The following PDE1C variants were observed in gnomAD, a reference collection of about 807,000 sequenced individuals.
PDE1C encodes the protein phosphodiesterase 1C.
A neutral mutation model predicts 93.1 loss-of-function variants in PDE1C; 62 were observed. That is an observed-to-expected ratio of 0.67 (90% CI 0.54 to 0.82). The LOEUF is 0.82. PDE1C is among the 40% of genes least tolerant of loss of function. The pLI is 0.00. For missense variants in PDE1C, 742 were observed against 884.6 expected, an observed-to-expected ratio of 0.84 and a Z score of 2.04; for synonymous variants, 325 against 310.1, an observed-to-expected ratio of 1.05 and a Z score of -0.50.
chr7:31,739,304 A>G, the PDE1C span, among the ~76,000 whole-genome samples: 2 of 151,976 alleles, frequency 1.3e-5, no homozygotes, highest in Non-Finnish European at 2.9e-5. Flanking sequence ...AGCCTCACTC[A>G]GGCATCAGCC....
chr7:32,161,832 C>T (rs1192236815), intron 3 of PDE1C, among the ~76,000 whole-genome samples: 1 of 152,180 alleles, frequency 6.6e-6, no homozygotes, highest in African/African-American at 2.4e-5. Context: ...GAATAACTCA[C>T]ACTTTGTAAA....
intron 15 of PDE1C, among the ~76,000 whole-genome samples, chr7:31,813,045 T>C (rs1414629276): frequency 2.0e-5 from 3 of 152,168 alleles, no homozygotes; most frequent in South Asian, 4.1e-4. Context: ...TTAATGTAGA[T>C]AGAATCTCAA....
intron 16 of PDE1C, among the ~76,000 whole-genome samples, chr7:31,798,223 C>T (rs546647521): frequency 1.1e-4 from 16 of 151,876 alleles, no homozygotes; most frequent in South Asian, 1.0e-3. Flanking sequence ...GTCAAAACTA[C>T]GCACTGGTCA....
the PDE1C span, among the ~76,000 whole-genome samples, chr7:31,711,788 T>C: frequency 6.6e-6 from 1 of 152,172 alleles, no homozygotes; most frequent in African/African-American, 2.4e-5. Context: ...AGTGACCCTT[T>C]TCAAACAAAT....
intron 1 of PDE1C, among the ~76,000 whole-genome samples, chr7:32,330,707 T>C (rs1783496000): frequency 6.6e-6 from 1 of 152,186 alleles, no homozygotes; most frequent in South Asian, 2.1e-4. Flanking sequence ...ATGATTCGCT[T>C]CACTCTGGAC....
chr7:31,641,347 G>T, the PDE1C span, among the ~76,000 whole-genome samples: 2 of 152,200 alleles, frequency 1.3e-5, no homozygotes, highest in African/African-American at 2.4e-5. Flanking sequence ...TAATCTCCCA[G>T]GACAGACAAG....
the PDE1C span, among the ~76,000 whole-genome samples, chr7:31,725,053 C>G: frequency 1.3e-5 from 2 of 152,138 alleles, no homozygotes; most frequent in Admixed American, 6.6e-5. Context: ...CCCTTCATTC[C>G]TTTGGACCTA....
chr7:31,894,965 C>A (rs1799094597), intron 2 of PDE1C, among the ~76,000 whole-genome samples: 1 of 152,052 alleles, frequency 6.6e-6, no homozygotes, highest in African/African-American at 2.4e-5. Flanking sequence ...GGAATTTAGC[C>A]CCATTTCCTT....
Position 32,032,906 on chromosome 7 carries a change from G to A in PDE1C, c.128+18648C>T, listed in dbSNP as rs138556076. On this transcript the variant is annotated intron_variant, in intron 2 of 17. Transcript: ENST00000396191. ...TGTTTGTAAGGTTCCTGTGAGTAAT[G>A]CAGCAGCAAAGCTCGGGTACACAAG... Among the ~76,000 whole-genome samples the A allele has an allele frequency of 2.3e-3, 357 of 152,272 alleles. 9 individuals carry two copies. Among genetic ancestry groups the A allele is most frequent in the Admixed American group, 0.022 (339 of 15,290 alleles).
At chr7:32,321,831 A>C (rs1353396468) in intron 1 of PDE1C, among the ~76,000 whole-genome samples, 2 of 152,196 alleles carry the variant, frequency 1.3e-5, no homozygotes, top group Non-Finnish European at 2.9e-5. Context: ...AGAAGTTCCC[A>C]TTTCAAACCC....
chr7:32,082,995 T>C (rs1257604566), intron 3 of PDE1C, among the ~76,000 whole-genome samples: 1 of 151,106 alleles, frequency 6.6e-6, no homozygotes, highest in Admixed American at 6.6e-5. Context: ...GGAACAAAGC[T>C]GGACGGAGAA....
At chr7:31,647,725 C>G in the PDE1C span, among the ~76,000 whole-genome samples, 1 of 145,670 alleles carries the variant, frequency 6.9e-6, no homozygotes, top group Non-Finnish European at 1.5e-5. Flanking sequence ...ATGACGACAA[C>G]GACGACGACA....
At chr7:32,156,610 A>G (rs6462338) in intron 3 of PDE1C, among the ~76,000 whole-genome samples, 77,245 of 152,018 alleles carry the variant, frequency 0.51, 19,822 homozygotes, top group Middle Eastern at 0.66. Flanking sequence ...GTAGGGTGAA[A>G]ATACAATGGC....
chr7:31,687,786 T>C, the PDE1C span, among the ~76,000 whole-genome samples: 3 of 152,192 alleles, frequency 2.0e-5, no homozygotes, highest in Non-Finnish European at 4.4e-5. Flanking sequence ...TGAATATGTA[T>C]TTTACATAGC....
the PDE1C span, among the ~76,000 whole-genome samples, chr7:31,682,717 A>C: frequency 6.6e-6 from 1 of 152,204 alleles, no homozygotes; most frequent in Non-Finnish European, 1.5e-5. Context: ...AACTGCAGTC[A>C]GCTCAGATGT....
chr7:31,621,016 GATGAAATGA>G, the PDE1C span, among the ~76,000 whole-genome samples: 3 of 151,736 alleles, frequency 2.0e-5, no homozygotes, highest in South Asian at 2.1e-4. Flanking sequence ...AGTGATGGAA[GATGAAATGA>G]ATGAAATGAA....
intron 1 of PDE1C, among the ~76,000 whole-genome samples, chr7:32,290,651 A>C (rs989834728): frequency 6.6e-6 from 1 of 152,126 alleles, no homozygotes; most frequent in Non-Finnish European, 1.5e-5. Flanking sequence ...TCCACCTGGC[A>C]TCCTGGCCTA....
At chr7:31,735,231 T>G in the PDE1C span, among the ~76,000 whole-genome samples, 3 of 152,146 alleles carry the variant, frequency 2.0e-5, no homozygotes, top group Non-Finnish European at 4.4e-5. Context: ...AAACCCTGTC[T>G]GTACTAAAGA....
At chr7:31,887,961 TTAAA>T (rs1798159256) in intron 2 of PDE1C, among the ~76,000 whole-genome samples, 1 of 152,104 alleles carries the variant, frequency 6.6e-6, no homozygotes, top group Admixed American at 6.5e-5. Context: ...ATGTGCAGCC[TTAAA>T]TAAATATATT....
Sources: allele counts gnomAD v4.1 joint callset (sites outside exome capture counted in the v4.1 genomes callset), GRCh38; gene constraint gnomAD v4.1.1; transcripts MANE v1.5; gene names NCBI Gene and HGNC (gene_info 2026-07-23, HGNC 2026-07-21).